Variants in KLRG2 observed in about 807,000 individuals in gnomAD.
KLRG2 encodes killer cell lectin-like receptor subfamily G member 2.
A neutral mutation model predicts 35.4 loss-of-function variants in KLRG2; 39 were observed. That is an observed-to-expected ratio of 1.10 (90% confidence interval 0.85 to 1.44). KLRG2 has a LOEUF of 1.44. KLRG2 is among the 40% of genes most tolerant of loss of function. KLRG2 has a pLI of 0.00. For synonymous variants in KLRG2, 283 were observed against 265.8 expected (o/e 1.06, Z -0.63); for missense variants, 632 against 570.9 (o/e 1.11, Z -1.09).
chr7:139,471,857 G>A (rs528347261), intron 3 of KLRG2, among the ~76,000 whole-genome samples: 6 of 152,286 alleles, frequency 3.9e-5, no homozygotes, highest in Admixed American at 1.3e-4. Flanking sequence ...GAGGTGGCAC[G>A]AACAGAGGTG....
At chr7:139,441,596 C>G in the KLRG2 span, among the ~76,000 whole-genome samples, 1 of 151,752 alleles carries the variant, frequency 6.6e-6, no homozygotes, top group Non-Finnish European at 1.5e-5. Context: ...GCACATGTAC[C>G]CCAGAACTTA....
At chr7:139,471,696 C>T (rs1796759715) in intron 3 of KLRG2, among the ~76,000 whole-genome samples, 1 of 152,194 alleles carries the variant, frequency 6.6e-6, no homozygotes, top group African/African-American at 2.4e-5. Context: ...GTCCTGCTCT[C>T]GCAAGGGTCC....
chr7:139,477,790 G>A (rs1397820033), intron 3 of KLRG2, among the ~76,000 whole-genome samples: 2 of 151,160 alleles, frequency 1.3e-5, no homozygotes, highest in Non-Finnish European at 2.9e-5. Context: ...ACGGAGTCCC[G>A]CTCTTTAGCC....
chr7:139,452,004 T>C (rs1796384336), downstream of KLRG2, among the ~76,000 whole-genome samples: 1 of 140,262 alleles, frequency 7.1e-6, no homozygotes. Flanking sequence ...AGTCTTGCAC[T>C]GTCACCCGGG....
intron 3 of KLRG2, among the ~76,000 whole-genome samples, chr7:139,479,361 G>A (rs957955520): frequency 6.5e-4 from 99 of 152,196 alleles, no homozygotes; most frequent in African/African-American, 2.4e-3. Flanking sequence ...GATTACAGGT[G>A]TGAGCCACTG....
chr7:139,431,370 G>C, the KLRG2 span, among the ~76,000 whole-genome samples: 2 of 152,128 alleles, frequency 1.3e-5, no homozygotes, highest in East Asian at 3.9e-4. Flanking sequence ...TCTTAAAATA[G>C]ATACACTTTC....
At chr7:139,428,794 T>C in the KLRG2 span, among the ~76,000 whole-genome samples, 1 of 152,274 alleles carries the variant, frequency 6.6e-6, no homozygotes, top group East Asian at 1.9e-4. Context: ...GAATTGCCAT[T>C]ACATAGAAGA....
At chr7:139,454,582 G>A (rs1796427300) in intron 3 of KLRG2, among the ~76,000 whole-genome samples, 3 of 151,966 alleles carry the variant, frequency 2.0e-5, no homozygotes, top group South Asian at 4.2e-4. Context: ...TTGGGAGGCC[G>A]AGGCTGGCAG....
chr7:139,437,693 G>C, the KLRG2 span, among the ~76,000 whole-genome samples: 1 of 152,258 alleles, frequency 6.6e-6, no homozygotes, highest in East Asian at 1.9e-4. Context: ...CCTGACCTCA[G>C]GTGATCCACC....
the KLRG2 span, among the ~76,000 whole-genome samples, chr7:139,442,538 C>T: frequency 1.3e-5 from 2 of 152,070 alleles, no homozygotes; most frequent in South Asian, 2.1e-4. Flanking sequence ...ATAGTGAGAC[C>T]TCATGTCTAT....
intron 3 of KLRG2, among the ~76,000 whole-genome samples, chr7:139,466,958 C>T (rs61158937): frequency 0.11 from 16,829 of 151,918 alleles, 976 homozygotes; most frequent in African/African-American, 0.13. Context: ...AATTCTTAGT[C>T]CTTTAATCTC....
chr7:139,432,978 C>G, the KLRG2 span, among the ~76,000 whole-genome samples: 1 of 152,148 alleles, frequency 6.6e-6, no homozygotes, highest in Non-Finnish European at 1.5e-5. Flanking sequence ...CCCTGATGGT[C>G]CTTCCAAGCT....
downstream of KLRG2, among the ~76,000 whole-genome samples, chr7:139,452,000 G>A (rs1330687406): frequency 2.5e-5 from 3 of 121,158 alleles, no homozygotes; most frequent in African/African-American, 3.3e-5. Context: ...ACAGAGTCTT[G>A]CACTGTCACC....
downstream of KLRG2, among the ~76,000 whole-genome samples, chr7:139,451,507 AT>A (rs1159845732): frequency 5.7e-3 from 842 of 148,522 alleles, 3 homozygotes; most frequent in African/African-American, 0.019. Context: ...TCAAAAAAAA[AT>A]TTTTTTTTTT....
At chr7:139,465,696 A>C (rs1004770029) in intron 3 of KLRG2, among the ~76,000 whole-genome samples, 3 of 151,574 alleles carry the variant, frequency 2.0e-5, no homozygotes, top group Non-Finnish European at 2.9e-5. Context: ...TGTCTCAAAA[A>C]AAAAAAAAAA....
chr7:139,481,021 G>C (rs1262553733), intron 1 of KLRG2, among the ~76,000 whole-genome samples: 1 of 152,214 alleles, frequency 6.6e-6, no homozygotes, highest in African/African-American at 2.4e-5. Flanking sequence ...TGGGATTACA[G>C]GCGTGAGCCA....
At position 139,453,656 on chromosome 7, in the gene KLRG2, C is replaced by T. The variant is rs1279631347; in HGVS notation, c.1161G>A (p.Glu387=). 2.5e-6 allele frequency: 4 copies of T among 1,614,088 alleles called. No homozygotes were observed. Among genetic ancestry groups the T allele is most frequent in the Non-Finnish European group, 3.4e-6 (4 of 1,179,998 alleles). The change falls in exon 5 of 5, where the codon GAG becomes GAA. Residue 387 remains glutamate (E), a synonymous_variant. Transcript: ENST00000340940. The part of the protein sequence containing the change: ...DNLDINCGAL[E]EGTLVAANCS... ...AGTTTGCAGCCACCAGCGTGCCTTC[C>T]TCCAGGGCCCCACAGTTGATATCCA... is the stretch of plus-strand genomic sequence containing the variant.
rs888804924 is a variant in KLRG2, at chr7:139,453,746, G to C, written c.1110-39C>G. On this transcript the variant is annotated intron_variant, in intron 4 of 4. Coordinates refer to ENST00000340940, the MANE Select transcript of KLRG2 (RefSeq NM_198508.4). ...GGAGGGGAAAGAGGAGAGGTGTTTAGGGTGCCGGGGCCTTGCTTCCCAGCC... is the reference window on the plus strand; with the variant it reads ...GGAGGGGAAAGAGGAGAGGTGTTTACGGTGCCGGGGCCTTGCTTCCCAGCC... The C allele has an allele frequency of 1.9e-6, 3 of 1,612,358 alleles. No homozygotes were observed. The Admixed American group carries it at 5.0e-5, about 27-fold the overall frequency.
intron 3 of KLRG2, among the ~76,000 whole-genome samples, chr7:139,471,538 G>C (rs1257461095): frequency 6.6e-6 from 1 of 152,122 alleles, no homozygotes; most frequent in African/African-American, 2.4e-5. Flanking sequence ...GCAGGTGCCT[G>C]TAACCCCAGC....
Sources: allele counts gnomAD v4.1 joint callset (sites outside exome capture counted in the v4.1 genomes callset), GRCh38; gene constraint gnomAD v4.1.1; transcripts MANE v1.5; gene names NCBI Gene and HGNC (gene_info 2026-07-23, HGNC 2026-07-21).